The following PTTG1IP2 variants were observed in gnomAD, a reference collection of about 807,000 sequenced individuals.
PTTG1IP2 encodes PTTG1IP family member 2.
At chr7:90,496,738 T>C (rs1797996169) in intron 6 of PTTG1IP2, among the ~76,000 whole-genome samples, 1 of 152,188 alleles carries the variant, frequency 6.6e-6, no homozygotes, top group Non-Finnish European at 1.5e-5. Flanking sequence ...CTATTACCTT[T>C]GGGCATAGTT....
intron 5 of PTTG1IP2, among the ~76,000 whole-genome samples, chr7:90,493,789 G>C (rs779562215): frequency 5.3e-5 from 8 of 152,182 alleles, no homozygotes; most frequent in Non-Finnish European, 8.8e-5. Flanking sequence ...AGAGAAAGGG[G>C]TCTGAAGACG....
chr7:90,500,474 C>G (rs1194835238), intron 6 of PTTG1IP2, among the ~76,000 whole-genome samples: 1 of 152,102 alleles, frequency 6.6e-6, no homozygotes, highest in Non-Finnish European at 1.5e-5. Context: ...TTAAAGAGAA[C>G]AGCTGTCTTA....
chr7:90,504,382 C>T (rs763355114), intron 6 of PTTG1IP2, among the ~76,000 whole-genome samples: 16 of 151,632 alleles, frequency 1.1e-4, no homozygotes, highest in Admixed American at 2.0e-4. Flanking sequence ...TATCAGAGAG[C>T]GTAATTTTCA....
At chr7:90,475,723 G>A (rs1797740793) in intron 1 of PTTG1IP2, among the ~76,000 whole-genome samples, 1 of 152,162 alleles carries the variant, frequency 6.6e-6, no homozygotes, top group East Asian at 1.9e-4. Flanking sequence ...CACTTTGGGA[G>A]GCCAATGTGG....
chr7:90,508,029 G>C (rs1343467580), intron 6 of PTTG1IP2, among the ~76,000 whole-genome samples: 1 of 151,976 alleles, frequency 6.6e-6, no homozygotes, highest in Admixed American at 6.6e-5. Context: ...AGGCTGAGGT[G>C]GGTGGATAGC....
At chr7:90,491,364 C>T (rs574772721) in intron 4 of PTTG1IP2, among the ~76,000 whole-genome samples, 1 of 152,224 alleles carries the variant, frequency 6.6e-6, no homozygotes, top group Admixed American at 6.5e-5. Flanking sequence ...GGCTCACGCC[C>T]GTAATCCCAG....
intron 6 of PTTG1IP2, among the ~76,000 whole-genome samples, chr7:90,505,356 G>A (rs902625339): frequency 2.0e-5 from 3 of 152,192 alleles, no homozygotes; most frequent in African/African-American, 4.8e-5. Flanking sequence ...CATCATGATT[G>A]TACAACCAAT....
chr7:90,474,388 G>A (rs1433190431), intron 1 of PTTG1IP2, among the ~76,000 whole-genome samples: 1 of 152,188 alleles, frequency 6.6e-6, no homozygotes, highest in African/African-American at 2.4e-5. Context: ...GCCAGAAAAT[G>A]TTAAGAATCC....
chr7:90,475,329 T>C (rs757946557), intron 1 of PTTG1IP2, among the ~76,000 whole-genome samples: 3 of 152,134 alleles, frequency 2.0e-5, no homozygotes, highest in African/African-American at 7.2e-5. Flanking sequence ...GTTTGGCACA[T>C]TGAGCAAGGA....
intron 1 of PTTG1IP2, among the ~76,000 whole-genome samples, chr7:90,472,681 G>T (rs1797705508): frequency 6.6e-6 from 1 of 152,138 alleles, no homozygotes; most frequent in Non-Finnish European, 1.5e-5. Context: ...CTGGGAGGAG[G>T]TTGGACTTCG....
intron 6 of PTTG1IP2, among the ~76,000 whole-genome samples, chr7:90,499,495 A>G (rs774631704): frequency 6.6e-6 from 1 of 152,344 alleles, no homozygotes; most frequent in African/African-American, 2.4e-5. Context: ...ACAGTTGGCC[A>G]TATAATAATC....
chr7:90,472,305 CACACACACACACA>C lies in PTTG1IP2; in HGVS notation c.145+2375_145+2387del, dbSNP rs749265928. On this transcript the variant is annotated intron_variant, in intron 1 of 6. Coordinates refer to ENST00000509356, the MANE Select transcript of PTTG1IP2 (RefSeq NM_001365443.2). Reference sequence around the variant, plus strand: ...ACACACACACACACACACACACACACACACACACACACACACCCCAAATAATCTACCCTAGAAG... The same window carrying C: ...ACACACACACACACACACACACACACCACCCCAAATAATCTACCCTAGAAG... Among the ~76,000 whole-genome samples the C allele has an allele frequency of 3.7e-4, 55 of 149,448 alleles. 1 individual carries two copies. The highest frequency in any genetic ancestry group is 3.4e-3 in the Middle Eastern group (1 of 294).
intron 6 of PTTG1IP2, among the ~76,000 whole-genome samples, chr7:90,508,222 G>T (rs771899575): frequency 6.7e-6 from 1 of 149,376 alleles, no homozygotes; most frequent in Non-Finnish European, 1.5e-5. Context: ...AGCTGAGATT[G>T]CGCCACTGCC....
intron 6 of PTTG1IP2, among the ~76,000 whole-genome samples, chr7:90,508,263 CAAAAAAAAA>C (rs5885728): frequency 1.3e-5 from 1 of 76,928 alleles, no homozygotes; most frequent in Non-Finnish European, 2.6e-5. Flanking sequence ...GAACTCGTCT[CAAAAAAAAA>C]AAAAAAAAGA....
At chr7:90,485,141 G>T (rs1797854884) in intron 2 of PTTG1IP2, among the ~76,000 whole-genome samples, 1 of 152,078 alleles carries the variant, frequency 6.6e-6, no homozygotes, top group Non-Finnish European at 1.5e-5. Context: ...AGTAGAAAAG[G>T]GTGTGATTAC....
chr7:90,475,597 C>T (rs952215107), intron 1 of PTTG1IP2, among the ~76,000 whole-genome samples: 3 of 152,086 alleles, frequency 2.0e-5, no homozygotes, highest in African/African-American at 7.2e-5. Context: ...TTCATGCCAA[C>T]ATTAATGTAA....
intron 6 of PTTG1IP2, among the ~76,000 whole-genome samples, chr7:90,505,410 C>A (rs1798112832): frequency 6.6e-6 from 1 of 152,162 alleles, no homozygotes; most frequent in Non-Finnish European, 1.5e-5. Flanking sequence ...AATTTGGATG[C>A]CCAAATAATT....
intron 6 of PTTG1IP2, among the ~76,000 whole-genome samples, chr7:90,510,067 C>T (rs1584703106): frequency 6.6e-6 from 1 of 152,062 alleles, no homozygotes; most frequent in African/African-American, 2.4e-5. Context: ...ACAGTGGCTA[C>T]CTGGGAGCAT....
intron 6 of PTTG1IP2, among the ~76,000 whole-genome samples, chr7:90,499,053 T>C (rs4727232): frequency 0.048 from 7,306 of 152,178 alleles, 436 homozygotes; most frequent in East Asian, 0.16. Context: ...GATTTCACTA[T>C]ATTGCCCAGG....
Sources: gnomAD v4.1 joint callset for allele counts (sites outside exome capture counted in the v4.1 genomes callset) on GRCh38, gnomAD v4.1.1 for gene constraint, MANE v1.5 for transcripts, NCBI Gene and HGNC (gene_info 2026-07-23, HGNC 2026-07-21) for gene names.